The following PPFIA2 variants were observed in gnomAD, a reference collection of about 807,000 sequenced individuals.
PPFIA2 encodes the protein PPFI scaffold protein A2, also known as liprin-alpha-2.
PPFIA2 carries 46 observed loss-of-function variants against 175.5 expected under a neutral mutation model. The ratio of observed to expected loss-of-function variants is 0.26; its 90% CI spans 0.21 to 0.34. The LOEUF (loss-of-function observed/expected upper bound fraction) is 0.34. Among genes scored for constraint, PPFIA2 ranks in the 10% least tolerant of loss-of-function variants. The pLI, the probability that PPFIA2 is intolerant of heterozygous loss-of-function variation, is 1.00. For missense variants in PPFIA2, 1,179 were observed against 1,506.1 expected, an observed-to-expected ratio of 0.78 and a Z score of 3.60; for synonymous variants, 568 against 511.4, an observed-to-expected ratio of 1.11 and a Z score of -1.49.
chr12:81,542,255 C>T (rs1317119150), intron 4 of PPFIA2, among the ~76,000 whole-genome samples: 1 of 151,992 alleles, frequency 6.6e-6, no homozygotes, highest in Non-Finnish European at 1.5e-5. Context: ...GTGCAGATAC[C>T]ATGGAATGCC....
In PPFIA2 at chr12:81,299,319, A is replaced by C; in HGVS notation, c.2706T>G (p.Thr902=). Residue 902 remains threonine, a synonymous_variant, in exon 23 of 33, where the codon ACT becomes ACG. Transcript: ENST00000549396. Reference sequence around the variant, plus strand: ...CTCTTACCTCTAGCCATGCGACCACAGTTGGCCCATCCCACTGGGCAAAAG... The same window carrying C: ...CTCTTACCTCTAGCCATGCGACCACCGTTGGCCCATCCCACTGGGCAAAAG... The part of the protein sequence containing the change: ...GLPFAQWDGP[T]VVAWLELWLG... 6.3e-7 allele frequency: 1 copy of C among 1,596,188 alleles called. No homozygotes were observed. The highest frequency in any genetic ancestry group is 8.5e-7 in the Non-Finnish European group (1 of 1,170,616).
intron 3 of PPFIA2, among the ~76,000 whole-genome samples, chr12:81,712,306 TATAAATATGCCATTATAAGA>T (rs2078042206): frequency 6.6e-6 from 1 of 151,462 alleles, no homozygotes; most frequent in Non-Finnish European, 1.5e-5. Context: ...TTGAGATTTA[TATAAATATGCCATTATAAGA>T]GTTTGATACA....
intron 4 of PPFIA2, among the ~76,000 whole-genome samples, chr12:81,541,137 G>A (rs2066146721): frequency 6.6e-6 from 1 of 152,052 alleles, no homozygotes; most frequent in South Asian, 2.1e-4. Flanking sequence ...ATTTATCAGT[G>A]TTGATACATG....
At chr12:81,395,836 A>C (rs552759351) in intron 8 of PPFIA2, among the ~76,000 whole-genome samples, 1 of 152,182 alleles carries the variant, frequency 6.6e-6, no homozygotes, top group Non-Finnish European at 1.5e-5. Flanking sequence ...CCCAGCTTCC[A>C]AAAAGAATCA....
chr12:81,330,167 TCTCATGCTC>T (rs2055805794), intron 21 of PPFIA2, among the ~76,000 whole-genome samples: 1 of 151,824 alleles, frequency 6.6e-6, no homozygotes, highest in Non-Finnish European at 1.5e-5. Context: ...AACAGAGGAT[TCTCATGCTC>T]CTACGCACGA....
intron 3 of PPFIA2, among the ~76,000 whole-genome samples, chr12:81,708,428 A>G (rs1019313243): frequency 6.6e-6 from 1 of 151,082 alleles, no homozygotes; most frequent in Non-Finnish European, 1.5e-5. Context: ...ATTTACTTTT[A>G]ACTTAGTGAA....
intron 4 of PPFIA2, chr12:81,546,463 T>A (rs1227887282): frequency 6.6e-6 from 1 of 152,136 alleles, no homozygotes; most frequent in Admixed American, 6.5e-5. Flanking sequence ...AAAAGGAAAG[T>A]CACTTCTACA....
At chr12:81,492,491 C>T (rs547784411) in intron 4 of PPFIA2, among the ~76,000 whole-genome samples, 19 of 151,816 alleles carry the variant, frequency 1.3e-4, no homozygotes, top group East Asian at 9.7e-4. Context: ...TAAAATAAAA[C>T]GGGGAGGGGT....
chr12:81,609,582 T>C (rs752935615), intron 4 of PPFIA2, among the ~76,000 whole-genome samples: 2 of 152,210 alleles, frequency 1.3e-5, no homozygotes, highest in African/African-American at 4.8e-5. Flanking sequence ...TCATCTGATA[T>C]AGAAATAGGG....
chr12:81,376,038 G>T, intron 9 of PPFIA2, 96 bp from the exon 10 acceptor site: 3 of 1,164,184 alleles, frequency 2.6e-6, no homozygotes, highest in Non-Finnish European at 3.7e-6. Flanking sequence ...AAAAACTATT[G>T]CATTCTTGAA....
chr12:81,720,149 C>A (rs960409922), intron 3 of PPFIA2, among the ~76,000 whole-genome samples: 5 of 151,490 alleles, frequency 3.3e-5, no homozygotes, highest in Non-Finnish European at 7.4e-5. Flanking sequence ...AGAAGCATGG[C>A]CTACATCTGC....
chr12:81,547,641 G>A (rs887353178), intron 4 of PPFIA2, among the ~76,000 whole-genome samples: 1 of 152,066 alleles, frequency 6.6e-6, no homozygotes, highest in African/African-American at 2.4e-5. Context: ...CATTTAATTT[G>A]AAGAAGTAAC....
intron 4 of PPFIA2, among the ~76,000 whole-genome samples, chr12:81,659,628 G>A (rs2068446637): frequency 6.6e-6 from 1 of 152,164 alleles, no homozygotes; most frequent in Non-Finnish European, 1.5e-5. Flanking sequence ...CACCTCTGGG[G>A]GCAAGGAATA....
chr12:81,572,331 T>C (rs2072707792), intron 4 of PPFIA2, among the ~76,000 whole-genome samples: 2 of 152,106 alleles, frequency 1.3e-5, no homozygotes, highest in East Asian at 1.9e-4. Context: ...ACTTCTCCCA[T>C]ATACTCAGCA....
chr12:81,751,037 A>C (rs567148540), intron 3 of PPFIA2, among the ~76,000 whole-genome samples: 2 of 152,254 alleles, frequency 1.3e-5, no homozygotes, highest in East Asian at 3.9e-4. Flanking sequence ...AATATTCATA[A>C]AGTTTCAACA....
intron 2 of PPFIA2, among the ~76,000 whole-genome samples, chr12:81,756,291 C>T (rs1252177388): frequency 6.6e-6 from 1 of 152,084 alleles, no homozygotes; most frequent in African/African-American, 2.4e-5. Context: ...AAATTACGTC[C>T]TTCTTGAATG....
chr12:81,362,005 GTATCTATC>G (rs5799523), intron 15 of PPFIA2, among the ~76,000 whole-genome samples: 12,157 of 147,438 alleles, frequency 0.082, 641 homozygotes, highest in African/African-American at 0.15. Flanking sequence ...ATGTATCTAT[GTATCTATC>G]TATCTATCTA....
rs543175920 is a variant in PPFIA2 at position 81,555,674 on chromosome 12, T to A, written c.304-97808A>T. 2.0e-5 allele frequency among the ~76,000 whole-genome samples: 3 copies of A among 152,014 alleles called. No individual in the cohort carries two copies. The South Asian group carries it at 6.2e-4, about 31-fold the overall frequency. ...AATTACAATTTCTTTTTATAGAGGA[T>A]AAGAATAAAATTAGAGCACAAATCT... On this transcript the variant is annotated intron_variant, in intron 4 of 32. Transcript: ENST00000549396.
chr12:81,636,012 C>T (rs923078897), intron 4 of PPFIA2, among the ~76,000 whole-genome samples: 6 of 152,018 alleles, frequency 3.9e-5, no homozygotes, highest in African/African-American at 1.2e-4. Context: ...AAACATTTTA[C>T]CATTAATCTC....
Sources: allele counts gnomAD v4.1 joint callset (sites outside exome capture counted in the v4.1 genomes callset), GRCh38; gene constraint gnomAD v4.1.1; transcripts MANE v1.5; gene names NCBI Gene and HGNC (gene_info 2026-07-23, HGNC 2026-07-21).